Variants in DNAAF9 observed in about 807,000 individuals in gnomAD.
The protein encoded by DNAAF9 is shulin.
In DNAAF9, 90 loss-of-function variants were observed where a neutral mutation model predicts 167.0. The ratio of observed to expected loss-of-function variants is 0.54; its 90% CI spans 0.45 to 0.64. DNAAF9 has a LOEUF of 0.64. Among genes scored for constraint, DNAAF9 ranks in the 30% least tolerant of loss-of-function variants. The pLI is 0.00. For synonymous variants in DNAAF9, 491 were observed against 508.8 expected (o/e 0.96, Z 0.47); for missense variants, 1,315 against 1,442.2 (o/e 0.91, Z 1.43).
intron 16 of DNAAF9, among the ~76,000 whole-genome samples, chr20:3,319,082 CAAAAAAAA>C (rs71195834): frequency 7.0e-5 from 5 of 71,136 alleles, no homozygotes; most frequent in East Asian, 5.1e-4. Flanking sequence ...GACTCTGTCT[CAAAAAAAA>C]AAAAAAAAAA....
chr20:3,393,224 C>T (rs931614621), intron 1 of DNAAF9, among the ~76,000 whole-genome samples: 7 of 152,068 alleles, frequency 4.6e-5, no homozygotes, highest in Non-Finnish European at 8.8e-5. Flanking sequence ...GTTGCCCAGG[C>T]TAGAGTAAAG....
intron 12 of DNAAF9, among the ~76,000 whole-genome samples, chr20:3,329,313 G>A (rs1391217330): frequency 2.0e-5 from 3 of 152,298 alleles, no homozygotes; most frequent in Middle Eastern, 3.4e-3. Flanking sequence ...GAATACAGGC[G>A]TGTGCCACTA....
chr20:3,328,151 G>C (rs1195549249), intron 12 of DNAAF9, among the ~76,000 whole-genome samples: 3 of 149,472 alleles, frequency 2.0e-5, no homozygotes, highest in Non-Finnish European at 4.4e-5. Flanking sequence ...CATGGCCGCT[G>C]ACCCATAAAA....
chr20:3,292,450 T>A (rs988556685), intron 25 of DNAAF9, among the ~76,000 whole-genome samples: 3 of 152,176 alleles, frequency 2.0e-5, no homozygotes, highest in Admixed American at 1.3e-4. Context: ...TGGAAATAAA[T>A]ATCCTCTTTG....
chr20:3,295,901 G>A lies in DNAAF9; in HGVS notation c.2018+960C>T, dbSNP rs1027421175. On this transcript the variant is annotated intron_variant, in intron 23 of 36. Coordinates refer to ENST00000252032, the MANE Select transcript of DNAAF9 (RefSeq NM_001009984.3). ...GGGAGCCCAGCCAGTGCCGTCAATT[G>A]AATGTTCTCTCAGTAAACTCAGACA... is the stretch of plus-strand genomic sequence containing the variant. 5 of 1,360,284 alleles carry A rather than the reference G, an allele frequency of 3.7e-6. No homozygotes were observed. The Admixed American group carries it at 5.1e-5, about 14-fold the overall frequency. 84.3% of individuals were successfully genotyped at this position (1,360,284 alleles called of 1,614,324 possible).
Position 3,382,536 on chromosome 20 carries a change from A to C in DNAAF9, c.84-30T>G, listed in dbSNP as rs1410801802. The C allele has an allele frequency of 3.8e-6, 6 of 1,588,606 alleles. No individual in the cohort carries two copies. The South Asian group carries it at 6.6e-5, about 18-fold the overall frequency. ...AACAAGAACAGAAAATGGTCCCCTG[A>C]GTGCCAGGACAGCCCCATGAGAAGA... On this transcript the variant is annotated intron_variant, in intron 1 of 36. Coordinates refer to ENST00000252032, the MANE Select transcript of DNAAF9 (RefSeq NM_001009984.3).
intron 6 of DNAAF9, among the ~76,000 whole-genome samples, chr20:3,371,230 G>A (rs2083502975): frequency 1.4e-5 from 2 of 147,902 alleles, no homozygotes; most frequent in Admixed American, 1.4e-4. Context: ...AATTTTGATT[G>A]CTCACCTCAT....
Position 3,322,254 on chromosome 20 carries a change from G to A in DNAAF9, c.1319C>T (p.Pro440Leu), listed in dbSNP as rs187017193. The part of the protein sequence containing the change: ...HAVNNQGRIV[P>L]LDSEDSLSFV... Reference sequence around the variant, plus strand: ...GGATAAGCTATCTTCACTGTCCAGCGGTACAATTCTAGGAGGGGAAAGAGA... The same window carrying A: ...GGATAAGCTATCTTCACTGTCCAGCAGTACAATTCTAGGAGGGGAAAGAGA... Residue 440 changes from proline (P) to leucine (L), a missense_variant, in exon 16 of 37, where the codon CCG becomes CTG. By Grantham distance (98) the Pro-to-Leu change is moderately conservative. Around this residue, in one of 2 missense-constraint regions of DNAAF9, gnomAD observed 981 missense variants for 1,012.5 expected, o/e 0.97. Coordinates refer to ENST00000252032, the MANE Select transcript of DNAAF9 (RefSeq NM_001009984.3). 6.2e-6 allele frequency: 10 copies of A among 1,607,570 alleles called. No homozygotes were observed. The highest frequency in any genetic ancestry group is 4.0e-5 in the African/African-American group (3 of 74,926).
At chr20:3,352,158 G>A (rs2070337895) in intron 7 of DNAAF9, among the ~76,000 whole-genome samples, 1 of 152,060 alleles carries the variant, frequency 6.6e-6, no homozygotes, top group Non-Finnish European at 1.5e-5. Context: ...AAACACTTTG[G>A]GAAATGTTCT....
At chr20:3,394,511 C>T (rs1166263255) in intron 1 of DNAAF9, among the ~76,000 whole-genome samples, 2 of 152,062 alleles carry the variant, frequency 1.3e-5, no homozygotes, top group African/African-American at 4.8e-5. Flanking sequence ...CTTGTGCCTT[C>T]CCCAGTCAGT....
chr20:3,328,711 A>G (rs2069762488), intron 12 of DNAAF9, among the ~76,000 whole-genome samples: 3 of 152,140 alleles, frequency 2.0e-5, no homozygotes, highest in Admixed American at 1.3e-4. Flanking sequence ...ACACCCACCA[A>G]CGTGAGGAAA....
chr20:3,328,869 CTT>C (rs572740669), intron 12 of DNAAF9, among the ~76,000 whole-genome samples: 27,482 of 136,394 alleles, frequency 0.2, 2,556 homozygotes, highest in African/African-American at 0.27. Context: ...CACAATTTTC[CTT>C]TTTTTTTTTT....
chr20:3,308,766 C>G (rs1418640054), intron 20 of DNAAF9, among the ~76,000 whole-genome samples: 1 of 151,596 alleles, frequency 6.6e-6, no homozygotes, highest in Non-Finnish European at 1.5e-5. Context: ...CACGTGAGGC[C>G]TGGAGTTTGA....
At chr20:3,391,810 C>CT (rs1215119921) in intron 1 of DNAAF9, among the ~76,000 whole-genome samples, 2 of 152,040 alleles carry the variant, frequency 1.3e-5, no homozygotes, top group Non-Finnish European at 2.9e-5. Context: ...AACTCCTGAC[C>CT]TCAGGTGATC....
At chr20:3,371,168 A>G (rs902514200) in intron 6 of DNAAF9, among the ~76,000 whole-genome samples, 5 of 151,604 alleles carry the variant, frequency 3.3e-5, no homozygotes, top group Non-Finnish European at 7.4e-5. Flanking sequence ...TCTACTAATA[A>G]ATTTTGAGAC....
intron 26 of DNAAF9, 136 bp from the exon 27 acceptor site, chr20:3,287,926 T>C (rs2068880753): frequency 2.6e-6 from 2 of 782,664 alleles, no homozygotes; most frequent in African/African-American, 3.4e-5. Context: ...AAAGCCATCT[T>C]GGCCTCACAG....
intron 8 of DNAAF9, among the ~76,000 whole-genome samples, chr20:3,344,788 T>C (rs1305002022): frequency 6.6e-6 from 1 of 152,174 alleles, no homozygotes; most frequent in Non-Finnish European, 1.5e-5. Flanking sequence ...ACCTACAATA[T>C]GAGTGTGCTT....
intron 9 of DNAAF9, among the ~76,000 whole-genome samples, chr20:3,342,359 A>T (rs987429323): frequency 6.6e-6 from 1 of 152,182 alleles, no homozygotes; most frequent in African/African-American, 2.4e-5. Flanking sequence ...GGCACCAATC[A>T]GAGTTGGTAA....
chr20:3,259,935 C>A lies in DNAAF9; in HGVS notation c.2967G>T (p.Val989=). The change falls in exon 32 of 37, where the codon GTG becomes GTT. Residue 989 remains valine (V), a synonymous_variant. Coordinates refer to ENST00000252032, the MANE Select transcript of DNAAF9 (RefSeq NM_001009984.3). The part of the protein sequence containing the change: ...FGRPLEKTRF[V]AKCKAIQSSI... Reference sequence around the variant, plus strand: ...GTCAAGGCTTACCTTTACATTTGGCCACAAAGCGAGTCTTCTCCAAGGGAC... The same window carrying A: ...GTCAAGGCTTACCTTTACATTTGGCAACAAAGCGAGTCTTCTCCAAGGGAC... 1 of 1,604,340 alleles carries A rather than the reference C, an allele frequency of 6.2e-7. No individual in the cohort carries two copies. The highest frequency in any genetic ancestry group is 8.5e-7 in the Non-Finnish European group (1 of 1,170,946).
Sources: allele counts gnomAD v4.1 joint callset (sites outside exome capture counted in the v4.1 genomes callset), GRCh38; gene constraint gnomAD v4.1.1; regional missense constraint gnomAD v4.1.1; transcripts MANE v1.5; gene names NCBI Gene and HGNC (gene_info 2026-07-23, HGNC 2026-07-21).